Variants in SH3D19 observed in about 807,000 individuals in gnomAD.
SH3D19 encodes SH3 domain containing 19.
A neutral mutation model predicts 112.1 loss-of-function variants in SH3D19; 58 were observed. The observed-to-expected ratio is 0.52, with a 90% confidence interval of 0.42 to 0.64. The LOEUF is 0.64. Ranked by LOEUF, SH3D19 falls within the 30% of genes least tolerant of loss-of-function variation. The pLI, the probability that SH3D19 is intolerant of heterozygous loss-of-function variation, is 0.00. For synonymous variants in SH3D19, 391 were observed against 448.5 expected (o/e 0.87, Z 1.62); for missense variants, 1,090 against 1,263.4 (o/e 0.86, Z 2.08).
chr4:151,227,696 CA>C (rs1279993165), intron 1 of SH3D19: 3 of 963,916 alleles, frequency 3.1e-6, no homozygotes, highest in Non-Finnish European at 3.7e-6. Context: ...TATAATGTCT[CA>C]AAGTAAAGCC....
At chr4:151,316,905 T>C (rs1730044213) in intron 1 of SH3D19, among the ~76,000 whole-genome samples, 1 of 152,242 alleles carries the variant, frequency 6.6e-6, no homozygotes, top group South Asian at 2.1e-4. Context: ...CCCTGCCCTA[T>C]GCCCTGAAAC....
intron 1 of SH3D19, among the ~76,000 whole-genome samples, chr4:151,255,391 G>T (rs542402522): frequency 2.0e-5 from 3 of 151,502 alleles, no homozygotes; most frequent in Non-Finnish European, 4.4e-5. Flanking sequence ...CCCAGACGGG[G>T]CAGCGGGGCA....
At chr4:151,239,682 T>C (rs1580305268) in intron 1 of SH3D19, among the ~76,000 whole-genome samples, 1 of 152,138 alleles carries the variant, frequency 6.6e-6, no homozygotes, top group Non-Finnish European at 1.5e-5. Flanking sequence ...CTAAAAAATA[T>C]GTTGACAGAA....
intron 1 of SH3D19, among the ~76,000 whole-genome samples, chr4:151,245,828 T>G (rs1770906643): frequency 1.3e-5 from 2 of 152,174 alleles, no homozygotes; most frequent in African/African-American, 4.8e-5. Context: ...CTCGAACTCC[T>G]TGACCTCAAG....
At chr4:151,219,682 T>C (rs1455177699) in intron 2 of SH3D19, among the ~76,000 whole-genome samples, 8 of 152,210 alleles carry the variant, frequency 5.3e-5, no homozygotes, top group African/African-American at 1.9e-4. Flanking sequence ...TTACTTGTCT[T>C]TTTCTTCCGT....
intron 1 of SH3D19, among the ~76,000 whole-genome samples, chr4:151,241,388 T>C (rs1458042178): frequency 1.3e-5 from 2 of 151,902 alleles, no homozygotes; most frequent in Admixed American, 6.6e-5. Context: ...CTAGAATAAA[T>C]AGGTCTATTT....
At chr4:151,134,380 T>C (rs1483578480) in intron 15 of SH3D19, among the ~76,000 whole-genome samples, 2 of 152,150 alleles carry the variant, frequency 1.3e-5, no homozygotes, top group Non-Finnish European at 2.9e-5. Flanking sequence ...CATAAAAGGG[T>C]ATATAAATTC....
At chr4:151,255,845 C>T (rs1339635094) in intron 1 of SH3D19, among the ~76,000 whole-genome samples, 1 of 152,248 alleles carries the variant, frequency 6.6e-6, no homozygotes, top group African/African-American at 2.4e-5. Context: ...GCCAACACAG[C>T]GAAACACCGT....
intron 2 of SH3D19, among the ~76,000 whole-genome samples, chr4:151,213,671 A>ATTTATTTATTTATTT (rs1554055367): frequency 3.8e-4 from 56 of 148,212 alleles, no homozygotes; most frequent in East Asian, 2.4e-3. Context: ...AATATGAATT[A>ATTTATTTATTTATTT]ATTAATTAAT....
At chr4:151,233,038 C>T (rs1244226649) in intron 1 of SH3D19, among the ~76,000 whole-genome samples, 3 of 152,094 alleles carry the variant, frequency 2.0e-5, no homozygotes, top group Admixed American at 6.6e-5. Flanking sequence ...GTCAGATAAG[C>T]ATCCACATTA....
chr4:151,279,907 G>A, intron 1 of SH3D19: 1 of 1,613,750 alleles, frequency 6.2e-7, no homozygotes, highest in Middle Eastern at 1.7e-4. Context: ...ATCTGTGGAG[G>A]TTCCCTCGTC....
At chr4:151,196,160 A>C (rs950072731) in intron 2 of SH3D19, among the ~76,000 whole-genome samples, 6 of 152,246 alleles carry the variant, frequency 3.9e-5, no homozygotes, top group Non-Finnish European at 8.8e-5. Flanking sequence ...GGTCATATCA[A>C]AAACGGAACA....
intron 1 of SH3D19, among the ~76,000 whole-genome samples, chr4:151,274,211 C>T (rs1038552313): frequency 1.3e-5 from 2 of 152,122 alleles, no homozygotes; most frequent in Admixed American, 6.5e-5. Flanking sequence ...CATGGTGTTG[C>T]AGTGTTTGCT....
intron 17 of SH3D19, among the ~76,000 whole-genome samples, chr4:151,131,242 CTA>C (rs1372225558): frequency 1.3e-5 from 2 of 151,852 alleles, no homozygotes; most frequent in Non-Finnish European, 2.9e-5. Flanking sequence ...GACTAAAACC[CTA>C]TCTCATTTTT....
chr4:151,186,625 G>A (rs1761823386), intron 3 of SH3D19, among the ~76,000 whole-genome samples: 2 of 151,164 alleles, frequency 1.3e-5, no homozygotes, highest in Non-Finnish European at 2.9e-5. Flanking sequence ...GTAGAGACGA[G>A]GTTTCACCAT....
chr4:151,248,283 T>A lies in SH3D19; in HGVS notation c.113-22197A>T, dbSNP rs146973949. Among the ~76,000 whole-genome samples, 104 of 152,246 alleles carry A rather than the reference T, an allele frequency of 6.8e-4. No homozygotes were observed. The East Asian group carries it at 0.019, about 28-fold the overall frequency. On this transcript the variant is annotated intron_variant, in intron 1 of 19. Transcript: ENST00000604030. ...CCAGCTTTATTTTCTTAATTTCTTC[T>A]ATTTTTCCTAATGAGAGTTTAGGAA...
intron 17 of SH3D19, among the ~76,000 whole-genome samples, chr4:151,130,145 C>CA (rs1015596315): frequency 6.6e-6 from 1 of 152,054 alleles, no homozygotes; most frequent in African/African-American, 2.4e-5. Context: ...AAATTTGTCA[C>CA]AAAAAACAAT....
chr4:151,149,656 G>A lies in SH3D19; in HGVS notation c.1756-95C>T, dbSNP rs184984402. On this transcript the variant is annotated intron_variant, in intron 9 of 19. Transcript: ENST00000604030. ...GGCAACCTTTTGGCTGGATCTACAA[G>A]TAGAAATGCAGTTGAATTATAGAAA... The A allele has an allele frequency of 1.0e-3, 1,096 of 1,049,588 alleles. 1 individual carries two copies. Among genetic ancestry groups the A allele is most frequent in the Non-Finnish European group, 1.3e-3 (938 of 695,262 alleles). The allele number at this position is 1,049,588 out of a possible 1,614,324, so 65.0% of individuals were successfully genotyped here. A position where few individuals can be genotyped will look rare whatever the true frequency, so the allele number is the denominator to read the frequency against.
At chr4:151,202,215 G>A (rs1764500494) in intron 2 of SH3D19, among the ~76,000 whole-genome samples, 2 of 151,884 alleles carry the variant, frequency 1.3e-5, no homozygotes, top group South Asian at 2.1e-4. Context: ...CACACCTGTA[G>A]TCCTAGCTAC....
Sources: allele counts gnomAD v4.1 joint callset (sites outside exome capture counted in the v4.1 genomes callset), GRCh38; gene constraint gnomAD v4.1.1; transcripts MANE v1.5; gene names NCBI Gene and HGNC (gene_info 2026-07-23, HGNC 2026-07-21).